The following CCDC33 variants were observed in gnomAD, a reference collection of about 807,000 sequenced individuals.
CCDC33 encodes the protein coiled-coil domain-containing protein 33.
Under a neutral mutation model 91.9 loss-of-function variants are expected in CCDC33, and 94 were observed. The ratio of observed to expected loss-of-function variants is 1.02; its 90% CI spans 0.87 to 1.21. The LOEUF (loss-of-function observed/expected upper bound fraction) is 1.21. Ranked by LOEUF, CCDC33 falls within the 50% of genes most tolerant of loss-of-function variation. The pLI, the probability that CCDC33 is intolerant of heterozygous loss-of-function variation, is 0.00. For missense variants in CCDC33, 940 were observed against 935.5 expected (o/e 1.00, Z -0.06); for synonymous variants, 396 against 374.5 (o/e 1.06, Z -0.66).
At chr15:74,274,437 T>C (rs1027350892) in intron 7 of CCDC33, among the ~76,000 whole-genome samples, 1 of 152,208 alleles carries the variant, frequency 6.6e-6, no homozygotes, top group African/African-American at 2.4e-5. Context: ...TGCCCACCAG[T>C]GCTTATGTCT....
intron 10 of CCDC33, among the ~76,000 whole-genome samples, chr15:74,292,866 G>A (rs899106361): frequency 1.2e-4 from 19 of 152,046 alleles, no homozygotes; most frequent in Middle Eastern, 3.2e-3. Flanking sequence ...CTCCTTCCCC[G>A]AGCCCACCCC....
At chr15:74,240,363 G>A (rs934404542) in intron 1 of CCDC33, among the ~76,000 whole-genome samples, 10 of 152,122 alleles carry the variant, frequency 6.6e-5, no homozygotes, top group African/African-American at 2.4e-4. Flanking sequence ...CTTACTCCTG[G>A]GCCCTCCCTT....
At chr15:74,251,103 C>T (rs375499189) in intron 2 of CCDC33, among the ~76,000 whole-genome samples, 11 of 152,244 alleles carry the variant, frequency 7.2e-5, no homozygotes, top group African/African-American at 2.7e-4. Context: ...CTTCCCATGG[C>T]CAGGATGTAA....
chr15:74,319,807 C>T (rs1445348500), intron 11 of CCDC33: 1 of 152,242 alleles, frequency 6.6e-6, no homozygotes, highest in Non-Finnish European at 1.5e-5. Context: ...CCTGCAGGGG[C>T]CAATTAGACA....
At chr15:74,268,557 T>A in intron 5 of CCDC33, 99 bp downstream of exon 5, 5 of 880,446 alleles carry the variant, frequency 5.7e-6, no homozygotes, top group South Asian at 1.4e-5. Context: ...CTGGCTGACC[T>A]GAGGGTGTGG....
At chr15:74,203,017 T>C in exon 1 of CCDC33, 2 of 985,654 alleles carry the variant, frequency 2.0e-6, no homozygotes, top group Non-Finnish European at 2.4e-6. Context: ...CTTCAGCGCC[T>C]GCCCCAGAGC....
chr15:74,279,744 C>G (rs1442781960), intron 7 of CCDC33, among the ~76,000 whole-genome samples: 4 of 152,180 alleles, frequency 2.6e-5, no homozygotes, highest in Non-Finnish European at 5.9e-5. Context: ...GCCATGTTGG[C>G]CAGGCTGGTC....
At chr15:74,283,758 A>G (rs1488970468) in intron 10 of CCDC33, among the ~76,000 whole-genome samples, 1 of 151,564 alleles carries the variant, frequency 6.6e-6, no homozygotes. Context: ...CCAAGAAAAT[A>G]GTACTAGCAG....
Position 74,316,094 on chromosome 15 carries a change from G to A in CCDC33, c.1291-14095G>A, listed in dbSNP as rs1415878303. Among the ~76,000 whole-genome samples the A allele has an allele frequency of 1.3e-5, 2 of 152,170 alleles. No individual in the cohort carries two copies. Among genetic ancestry groups the A allele is most frequent in the East Asian group, 1.9e-4 (1 of 5,186 alleles). On this transcript the variant is annotated intron_variant, in intron 11 of 18. Coordinates refer to ENST00000398814, the MANE Select transcript of CCDC33 (RefSeq NM_025055.5). The surrounding 1 kb of genome is among the most constrained non-coding windows in gnomAD (Gnocchi z 4.7). The stretch of plus-strand genomic sequence containing the variant: ...TGTGTCTCACCCAGTGATAAGGGGT[G>A]GGCAAGGGGCAGGGGTGGGGGCTCT...
rs780371126 is a variant in CCDC33, at chr15:74,330,205, G to A, written c.1307G>A (p.Arg436Gln). 28 of 1,607,764 alleles carry A rather than the reference G, an allele frequency of 1.7e-5. No homozygotes were observed. The East Asian group carries it at 2.7e-4, about 15-fold the overall frequency. ...GATCCACAGGAGATGAACAACTACC[G>A]GCGGGCCATGCAGAAGATGGCAGAG... is the stretch of plus-strand genomic sequence containing the variant. ...MSHDTEMNNYRRAMQKMAEDI... is the reference protein window; with the variant it reads ...MSHDTEMNNYQRAMQKMAEDI... The change falls in exon 12 of 19, where the codon CGG becomes CAG. Residue 436 changes from arginine to glutamine, a missense_variant. Physicochemically the swap from Arg to Gln is conservative, Grantham distance 43 (BLOSUM62 1). Transcript: ENST00000398814.
In CCDC33 at chr15:74,330,985, A is replaced by G. The variant is rs750723027; in HGVS notation, c.1550A>G (p.Asn517Ser). The G allele has an allele frequency of 6.3e-6, 10 of 1,584,718 alleles. No individual in the cohort carries two copies. The East Asian group carries it at 2.2e-4, about 36-fold the overall frequency. The change falls in exon 14 of 19, where the codon AAT (asparagine) becomes AGT (serine). Residue 517 changes from asparagine (N) to serine (S), a missense_variant. Physicochemically the swap from Asn to Ser is conservative, Grantham distance 46 (BLOSUM62 1). Coordinates refer to ENST00000398814, the MANE Select transcript of CCDC33 (RefSeq NM_025055.5). ...CTCTCCTCCCCCATCTCACAGAAGA[A>G]TGATCGAGAGAAGGAGCTGCTCCTT... ...QHLQNELIRK[N>S]DREKELLLLY... is the part of the protein sequence containing the mutation.
intron 2 of CCDC33, among the ~76,000 whole-genome samples, chr15:74,229,697 G>T (rs1054750753): frequency 1.3e-5 from 2 of 152,222 alleles, no homozygotes; most frequent in Non-Finnish European, 2.9e-5. Flanking sequence ...GGGAGGGTTT[G>T]GGGGAGCAGG....
intron 11 of CCDC33, among the ~76,000 whole-genome samples, chr15:74,305,033 G>A (rs1419143027): frequency 1.3e-5 from 2 of 151,452 alleles, no homozygotes; most frequent in African/African-American, 4.9e-5. Flanking sequence ...TGCAACCTCC[G>A]CCTCCCAGGT....
At chr15:74,239,583 G>A (rs886909636) in intron 1 of CCDC33, among the ~76,000 whole-genome samples, 7 of 152,102 alleles carry the variant, frequency 4.6e-5, no homozygotes, top group East Asian at 1.9e-4. Flanking sequence ...GGCTTGCTTC[G>A]GTGCTCACAG....
At chr15:74,313,425 T>C (rs1375896886) in intron 11 of CCDC33, among the ~76,000 whole-genome samples, 1 of 141,324 alleles carries the variant, frequency 7.1e-6, no homozygotes, top group Non-Finnish European at 1.5e-5. Context: ...CTTTTTTTTT[T>C]TTTTTTTTTT....
At position 74,330,214 on chromosome 15, in the gene CCDC33, T is replaced by G; in HGVS notation, c.1316T>G (p.Met439Arg). The G allele has an allele frequency of 6.2e-7, 1 of 1,610,002 alleles. No homozygotes were observed. Among genetic ancestry groups the G allele is most frequent in the African/African-American group, 1.3e-5 (1 of 74,826 alleles). The change falls in exon 12 of 19, where the codon ATG becomes AGG. Residue 439 changes from methionine (M) to arginine (R), a missense_variant. Transcript: ENST00000398814. ...DTEMNNYRRAMQKMAEDILSL... is the reference protein window; with the variant it reads ...DTEMNNYRRARQKMAEDILSL... Reference sequence around the variant, plus strand: ...GAGATGAACAACTACCGGCGGGCCATGCAGAAGATGGCAGAGGACATCCTG... The same window carrying G: ...GAGATGAACAACTACCGGCGGGCCAGGCAGAAGATGGCAGAGGACATCCTG...
chr15:74,273,009 C>A, intron 7 of CCDC33, 118 bp downstream of exon 7: 1 of 1,326,636 alleles, frequency 7.5e-7, no homozygotes, highest in Non-Finnish European at 1.1e-6. Flanking sequence ...TGACTGAATC[C>A]CACGGCATAC....
chr15:74,277,615 C>T (rs569466990), intron 7 of CCDC33, among the ~76,000 whole-genome samples: 3 of 152,248 alleles, frequency 2.0e-5, no homozygotes, highest in African/African-American at 7.2e-5. Context: ...GCCACAGTAC[C>T]CTCACCAGGG....
At position 74,330,763 on chromosome 15, in the gene CCDC33, C is replaced by A; in HGVS notation, c.1545+12C>A. The A allele has an allele frequency of 6.2e-7, 1 of 1,603,948 alleles. No homozygotes were observed. Among genetic ancestry groups the A allele is most frequent in the Non-Finnish European group, 8.5e-7 (1 of 1,172,382 alleles). ...ATGAGCTGATTCGAGTGAGCTGGGG[C>A]TTGTGGGGGCAGAGGGGAGGGAGCT... On this transcript the variant is annotated intron_variant, in intron 13 of 18. Coordinates refer to ENST00000398814, the MANE Select transcript of CCDC33 (RefSeq NM_025055.5).
Sources: allele counts gnomAD v4.1 joint callset (sites outside exome capture counted in the v4.1 genomes callset), GRCh38; gene constraint gnomAD v4.1.1; non-coding constraint Gnocchi (gnomAD v3.1); transcripts MANE v1.5; gene names NCBI Gene and HGNC (gene_info 2026-07-23, HGNC 2026-07-21).